The following ASAP1 variants were observed in gnomAD, a reference collection of about 807,000 sequenced individuals.
ASAP1 encodes the protein ArfGAP with SH3 domain, ankyrin repeat and PH domain 1.
Under a neutral mutation model 145.2 loss-of-function variants are expected in ASAP1, and 43 were observed. The observed-to-expected ratio is 0.30, with a 90% CI of 0.23 to 0.38. The LOEUF (loss-of-function observed/expected upper bound fraction) is 0.38, where lower values mean the gene tolerates loss of function less well. ASAP1 is among the 10% of genes least tolerant of loss of function. The pLI is 1.00. For missense variants in ASAP1, 1,018 were observed against 1,355.3 expected, an observed-to-expected ratio of 0.75 and a Z score of 3.91; for synonymous variants, 546 against 515.5, an observed-to-expected ratio of 1.06 and a Z score of -0.80.
In ASAP1 at chr8:130,145,243, A is replaced by C. The variant is rs138950345; in HGVS notation, c.1080+7493T>G. Among the ~76,000 whole-genome samples the C allele has an allele frequency of 2.9e-3, 442 of 152,380 alleles. 1 individual carries two copies. The highest frequency in any genetic ancestry group is 0.01 in the African/African-American group (428 of 41,594). On this transcript the variant is annotated intron_variant, in intron 13 of 29. Transcript: ENST00000518721. Reference sequence around the variant, plus strand: ...TCATGCTATCCAACAAGGGTACATAAAACTAAAACCTTCAGACTTGGAATA... The same window carrying C: ...TCATGCTATCCAACAAGGGTACATACAACTAAAACCTTCAGACTTGGAATA...
At chr8:130,419,754 C>T (rs1011173354) in intron 1 of ASAP1, among the ~76,000 whole-genome samples, 3 of 152,074 alleles carry the variant, frequency 2.0e-5, no homozygotes, top group African/African-American at 7.2e-5. Flanking sequence ...CCCTGGGGCT[C>T]CCTCTCTAGG....
chr8:130,130,431 ATATT>A (rs1287465835), intron 15 of ASAP1, among the ~76,000 whole-genome samples: 1 of 152,230 alleles, frequency 6.6e-6, no homozygotes, highest in Non-Finnish European at 1.5e-5. Context: ...CAGAAAAAGT[ATATT>A]TAAAGGATAA....
chr8:130,405,739 T>C (rs1828998490), intron 1 of ASAP1, among the ~76,000 whole-genome samples: 1 of 152,196 alleles, frequency 6.6e-6, no homozygotes, highest in African/African-American at 2.4e-5. Context: ...CTGAACTAAT[T>C]CGAAGTAGGT....
At chr8:130,119,337 G>A (rs78076145) in intron 18 of ASAP1, among the ~76,000 whole-genome samples, 1 of 152,322 alleles carries the variant, frequency 6.6e-6, no homozygotes, top group East Asian at 1.9e-4. Flanking sequence ...CTCCAAAGGG[G>A]TGAAGATGAG....
At chr8:130,184,472 C>T (rs1420872429) in intron 7 of ASAP1, among the ~76,000 whole-genome samples, 1 of 152,158 alleles carries the variant, frequency 6.6e-6, no homozygotes, top group Non-Finnish European at 1.5e-5. Context: ...ACATTTGTTG[C>T]CTACTTAATA....
chr8:130,417,156 A>G (rs1829510651), intron 1 of ASAP1, among the ~76,000 whole-genome samples: 1 of 88,496 alleles, frequency 1.1e-5, no homozygotes, highest in African/African-American at 3.6e-5. Flanking sequence ...CAACCCATGT[A>G]CAACTGCACA....
intron 7 of ASAP1, among the ~76,000 whole-genome samples, chr8:130,185,026 T>C (rs981190202): frequency 1.3e-5 from 2 of 152,198 alleles, no homozygotes; most frequent in African/African-American, 4.8e-5. Flanking sequence ...CCACAGAAAA[T>C]GTCCAGCCTT....
chr8:130,166,773 G>C (rs1014665326), intron 11 of ASAP1, among the ~76,000 whole-genome samples: 1 of 152,066 alleles, frequency 6.6e-6, no homozygotes, highest in Non-Finnish European at 1.5e-5. Flanking sequence ...CATTCATCCA[G>C]CCTCTACCAT....
At chr8:130,110,212 TGAGGGG>T (rs2097544384) in intron 24 of ASAP1, among the ~76,000 whole-genome samples, 1 of 152,142 alleles carries the variant, frequency 6.6e-6, no homozygotes. Flanking sequence ...TGGAGGGAAA[TGAGGGG>T]GTCTCTTGGC....
intron 1 of ASAP1, among the ~76,000 whole-genome samples, chr8:130,416,076 C>T (rs897715313): frequency 2.6e-5 from 4 of 152,182 alleles, no homozygotes. Context: ...TCTATTTCAA[C>T]AGCTGTTTGT....
At chr8:130,267,480 T>A (rs553885994) in intron 3 of ASAP1, among the ~76,000 whole-genome samples, 1 of 152,238 alleles carries the variant, frequency 6.6e-6, no homozygotes, top group South Asian at 2.1e-4. Flanking sequence ...AATAAGAATA[T>A]GATGATGATT....
intron 3 of ASAP1, among the ~76,000 whole-genome samples, chr8:130,330,925 C>T (rs754177236): frequency 1.3e-5 from 2 of 152,186 alleles, no homozygotes; most frequent in African/African-American, 2.4e-5. Flanking sequence ...AAACCTCCTT[C>T]CACTTCTAGC....
intron 2 of ASAP1, among the ~76,000 whole-genome samples, chr8:130,392,610 A>G (rs1828333181): frequency 1.3e-5 from 2 of 152,194 alleles, no homozygotes; most frequent in South Asian, 4.1e-4. Context: ...GTCTCAGTCC[A>G]TTTGTCCTGC....
intron 4 of ASAP1, among the ~76,000 whole-genome samples, chr8:130,226,020 T>C (rs144555161): frequency 6.6e-6 from 1 of 150,786 alleles, no homozygotes; most frequent in Non-Finnish European, 1.5e-5. Flanking sequence ...GCTGGGACTA[T>C]AGGAATGCAC....
chr8:130,122,145 C>G (rs973145965), intron 18 of ASAP1, among the ~76,000 whole-genome samples: 1 of 152,200 alleles, frequency 6.6e-6, no homozygotes, highest in Admixed American at 6.5e-5. Context: ...ACCCTCTCCC[C>G]ATTCCCCACA....
chr8:130,093,666 C>CAAAAAAAAAAAAAAAAAAAA, intron 24 of ASAP1, among the ~76,000 whole-genome samples: 1 of 52,198 alleles, frequency 1.9e-5, no homozygotes, highest in African/African-American at 7.4e-5. Context: ...GACTCCGTCT[C>CAAAAAAAAAAAAAAAAAAAA]AAAAAAAAAA....
intron 1 of ASAP1, among the ~76,000 whole-genome samples, chr8:130,416,686 T>C (rs1261855938): frequency 2.0e-5 from 3 of 152,206 alleles, no homozygotes; most frequent in Non-Finnish European, 4.4e-5. Context: ...GCAGAATGCA[T>C]TAGTGCCCCA....
At chr8:130,438,837 C>T (rs1046497431) in intron 1 of ASAP1, among the ~76,000 whole-genome samples, 1 of 152,140 alleles carries the variant, frequency 6.6e-6, no homozygotes, top group Non-Finnish European at 1.5e-5. Flanking sequence ...ACTACAGCCA[C>T]GGTAAGATGT....
At chr8:130,345,563 C>T (rs1219574424) in intron 3 of ASAP1, among the ~76,000 whole-genome samples, 1 of 152,128 alleles carries the variant, frequency 6.6e-6, no homozygotes, top group African/African-American at 2.4e-5. Flanking sequence ...GGCAGGGTGG[C>T]AGTGGGGAGG....
Sources: allele counts gnomAD v4.1 joint callset (sites outside exome capture counted in the v4.1 genomes callset), GRCh38; gene constraint gnomAD v4.1.1; transcripts MANE v1.5; gene names NCBI Gene and HGNC (gene_info 2026-07-23, HGNC 2026-07-21).